Variants in TDRKH observed in about 807,000 individuals in gnomAD.
TDRKH encodes the protein tudor and KH domain-containing protein.
Under a neutral mutation model 61.3 loss-of-function variants are expected in TDRKH, and 28 were observed. That is an observed-to-expected ratio of 0.46 (90% CI 0.34 to 0.63). The LOEUF (loss-of-function observed/expected upper bound fraction) is 0.63. Among genes scored for constraint, TDRKH ranks in the 20% least tolerant of loss-of-function variants. The pLI, the probability that TDRKH is intolerant of heterozygous loss-of-function variation, is 0.01. For synonymous variants in TDRKH, 219 were observed against 244.4 expected (o/e 0.90, Z 0.97); for missense variants, 540 against 683.4 (o/e 0.79, Z 2.34).
At position 151,778,957 on chromosome 1, in the gene TDRKH, A is replaced by G; in HGVS notation, c.611T>C (p.Ile204Thr). 5 of 1,614,182 alleles carry G rather than the reference A, an allele frequency of 3.1e-6. No individual in the cohort carries two copies. The highest frequency in any genetic ancestry group is 1.6e-4 in the Middle Eastern group (1 of 6,062). Residue 204 changes from isoleucine (I) to threonine (T), a missense_variant, in exon 6 of 13, where the codon ATT becomes ACT. This residue lies in a region of TDRKH where 379 missense variants were observed against 443.8 expected (regional missense o/e 0.85). Coordinates refer to ENST00000368824, the MANE Select transcript of TDRKH (RefSeq NM_001083965.2). ...VSEDEELRKRIAHSAETRVPR... is the reference protein window; with the variant it reads ...VSEDEELRKRTAHSAETRVPR... The stretch of plus-strand genomic sequence containing the variant: ...GACCCTGGTTTCTGCAGAATGAGCA[A>G]TTCTCTTCCGAAGTTCTTCATCTTC...
intron 6 of TDRKH, among the ~76,000 whole-genome samples, chr1:151,777,800 C>G (rs1030403200): frequency 6.7e-6 from 1 of 149,054 alleles, no homozygotes; most frequent in Non-Finnish European, 1.5e-5. Flanking sequence ...TCACTGTAGC[C>G]TCGACTTCCT....
At chr1:151,770,374 ATTCTT>A, downstream of TDRKH, 1 of 1,409,418 alleles carries the variant, frequency 7.1e-7, no homozygotes, top group Non-Finnish European at 9.5e-7. Flanking sequence ...CATTTCAGGG[ATTCTT>A]TTCTTCCCAC....
Position 151,779,207 on chromosome 1 carries a change from C to A in TDRKH, c.457G>T (p.Ala153Ser). 6.2e-7 allele frequency: 1 copy of A among 1,614,144 alleles called. No homozygotes were observed. The highest frequency in any genetic ancestry group is 8.5e-7 in the Non-Finnish European group (1 of 1,180,036). The change falls in exon 5 of 13, where the codon GCA becomes TCA. Residue 153 changes from alanine to serine, a missense_variant. Physicochemically the swap from Ala to Ser is moderately conservative, Grantham distance 99. Coordinates refer to ENST00000368824, the MANE Select transcript of TDRKH (RefSeq NM_001083965.2). ...TCACAGGTAATTTTGGCTCCAGATGCCTTACAGATAGAACGAATTGTCTCG... is the reference window on the plus strand; with the variant it reads ...TCACAGGTAATTTTGGCTCCAGATGACTTACAGATAGAACGAATTGTCTCG... Reference protein sequence around the residue: ...GGETIRSICKASGAKITCDKE... With the variant: ...GGETIRSICKSSGAKITCDKE...
chr1:151,790,173 C>A (rs1162665338), intron 1 of TDRKH, among the ~76,000 whole-genome samples: 1 of 152,180 alleles, frequency 6.6e-6, no homozygotes, highest in Non-Finnish European at 1.5e-5. Context: ...GTGACTGGAG[C>A]ATCTTCCTCA....
chr1:151,776,810 T>G (rs1649226366), intron 6 of TDRKH, among the ~76,000 whole-genome samples: 1 of 152,256 alleles, frequency 6.6e-6, no homozygotes, highest in Non-Finnish European at 1.5e-5. Context: ...AATAACAGCT[T>G]ACATTCTTTG....
downstream of TDRKH, chr1:151,771,146 C>T: frequency 6.2e-7 from 1 of 1,613,734 alleles, no homozygotes; most frequent in East Asian, 2.2e-5. Flanking sequence ...GCCCTCCCTC[C>T]CTTGGACAAT....
Position 151,774,306 on chromosome 1 carries a change from G to A in TDRKH, c.*146C>T, listed in dbSNP as rs561148964. 12 of 740,462 alleles carry A rather than the reference G, an allele frequency of 1.6e-5. No individual in the cohort carries two copies. In the African/African-American group the frequency reaches 2.0e-4, roughly 12 times the overall value. 45.9% of individuals were successfully genotyped at this position (740,462 alleles called of 1,614,324 possible). A position where few individuals can be genotyped will look rare whatever the true frequency, so the allele number is the denominator to read the frequency against. Reference sequence around the variant, plus strand: ...GTTAAGCTGCAGGAAAGCAGCTGCAGAGAAGTATATTAAGACAGGGCATGG... The same window carrying A: ...GTTAAGCTGCAGGAAAGCAGCTGCAAAGAAGTATATTAAGACAGGGCATGG... On this transcript the variant is annotated 3_prime_UTR_variant, in exon 13 of 13. Transcript: ENST00000368824.
chr1:151,782,613 T>C (rs546226431), intron 2 of TDRKH, among the ~76,000 whole-genome samples: 2 of 152,016 alleles, frequency 1.3e-5, no homozygotes, highest in Non-Finnish European at 2.9e-5. Context: ...CTGGGCAACA[T>C]GGGAAAACCC....
In TDRKH at chr1:151,775,047, A is replaced by G. The variant is rs370212108; in HGVS notation, c.1536+18T>C. ...GATTTGCCTGGAAGCAGCACCCTAT[A>G]TAACTACAATAGCTCACCATGTCCT... On this transcript the variant is annotated intron_variant, in intron 11 of 12. Transcript: ENST00000368824. 5.0e-5 allele frequency: 81 copies of G among 1,612,992 alleles called. 1 individual carries two copies. The highest frequency in any genetic ancestry group is 1.8e-4 in the Admixed American group (11 of 59,958).
At chr1:151,774,624 C>A (rs1295448457) in intron 12 of TDRKH, 86 bp downstream of exon 12, 4 of 1,583,150 alleles carry the variant, frequency 2.5e-6, no homozygotes, top group Non-Finnish European at 3.5e-6. Flanking sequence ...AGGAACCAAG[C>A]CTTCAATTAA....
At position 151,774,507 on chromosome 1, in the gene TDRKH, A is replaced by G. The variant is rs368712838; in HGVS notation, c.1634-3T>C. On this transcript the variant is annotated splice_region_variant and splice_polypyrimidine_tract_variant and intron_variant, in intron 12 of 12. Transcript: ENST00000368824. ...ATCACCAGACATGGAAGCAGCTTCTATTGAAGATAAATAAGAAGGAGAAAG... is the reference window on the plus strand; with the variant it reads ...ATCACCAGACATGGAAGCAGCTTCTGTTGAAGATAAATAAGAAGGAGAAAG... 9 of 1,614,176 alleles carry G rather than the reference A, an allele frequency of 5.6e-6. No individual in the cohort carries two copies. Among genetic ancestry groups the G allele is most frequent in the Middle Eastern group, 3.3e-4 (2 of 6,062 alleles).
chr1:151,783,006 G>T lies in TDRKH; in HGVS notation c.17C>A (p.Thr6Asn), dbSNP rs1342822919. ...AATGGTGGACAGGCTTGTCCAAGAAGTCCGTTCAGTAGACATTTTCTGCTG... is the reference window on the plus strand; with the variant it reads ...AATGGTGGACAGGCTTGTCCAAGAATTCCGTTCAGTAGACATTTTCTGCTG... The part of the protein sequence containing the change: MSTER[T>N]SWTSLSTIQK... Residue 6 changes from threonine (T) to asparagine (N), a missense_variant, in exon 2 of 13, where the codon ACT (threonine) becomes AAT (asparagine). Around this residue, in one of 3 missense-constraint regions of TDRKH, gnomAD observed 156 missense variants for 218.0 expected, o/e 0.72. Coordinates refer to ENST00000368824, the MANE Select transcript of TDRKH (RefSeq NM_001083965.2). 6.2e-7 allele frequency: 1 copy of T among 1,613,136 alleles called. No homozygotes were observed. Among genetic ancestry groups the T allele is most frequent in the Admixed American group, 1.7e-5 (1 of 59,802 alleles).
chr1:151,782,229 G>A (rs192595784), intron 2 of TDRKH, among the ~76,000 whole-genome samples: 1 of 152,210 alleles, frequency 6.6e-6, no homozygotes, highest in African/African-American at 2.4e-5. Flanking sequence ...TTGGGAGGCC[G>A]AGGCAGGTGG....
chr1:151,777,174 G>A (rs1649264321), intron 6 of TDRKH, among the ~76,000 whole-genome samples: 1 of 152,216 alleles, frequency 6.6e-6, no homozygotes, highest in Non-Finnish European at 1.5e-5. Flanking sequence ...GCTGGGCATG[G>A]TGGCTCATGC....
chr1:151,784,142 C>T (rs186608277), intron 1 of TDRKH, among the ~76,000 whole-genome samples: 2 of 152,340 alleles, frequency 1.3e-5, no homozygotes, highest in Admixed American at 6.5e-5. Flanking sequence ...CATTTGCCCA[C>T]CTTCCTCCAC....
intron 7 of TDRKH, 27 bp downstream of exon 7, chr1:151,776,412 C>A (rs1172072881): frequency 6.2e-7 from 1 of 1,611,912 alleles, no homozygotes. Context: ...TTCATTAAAC[C>A]CCAGCCCTGT....
chr1:151,776,691 A>G, intron 6 of TDRKH, 92 bp from the exon 7 acceptor site: 1 of 1,437,520 alleles, frequency 7.0e-7, no homozygotes, highest in Non-Finnish European at 9.4e-7. Context: ...ACAAATACCA[A>G]TGGCTGTTAC....
intron 2 of TDRKH, 25 bp downstream of exon 2, chr1:151,782,874 A>T: frequency 6.5e-7 from 1 of 1,534,154 alleles, no homozygotes; most frequent in Non-Finnish European, 8.8e-7. Context: ...ACATTTTCAC[A>T]CACACAGTCA....
intron 2 of TDRKH, 67 bp downstream of exon 2, chr1:151,782,832 T>G: frequency 6.8e-7 from 1 of 1,478,246 alleles, no homozygotes; most frequent in Non-Finnish European, 9.0e-7. Flanking sequence ...GAAAGAGTTT[T>G]TTTCAATTTA....
Sources: gnomAD v4.1 joint callset for allele counts (sites outside exome capture counted in the v4.1 genomes callset) on GRCh38, gnomAD v4.1.1 for gene constraint, gnomAD v4.1.1 regional missense constraint, MANE v1.5 for transcripts, NCBI Gene and HGNC (gene_info 2026-07-23, HGNC 2026-07-21) for gene names.